TMEM164: variants seen among roughly 807,000 people sequenced by gnomAD.
The protein encoded by TMEM164 is transmembrane protein 164.
A neutral mutation model predicts 18.8 loss-of-function variants in TMEM164; 4 were observed. The observed-to-expected ratio is 0.21, with a 90% CI of 0.10 to 0.49. The LOEUF (loss-of-function observed/expected upper bound fraction) is 0.49. Ranked by LOEUF, TMEM164 falls within the 20% of genes least tolerant of loss-of-function variation. The pLI, the probability that TMEM164 is intolerant of heterozygous loss-of-function variation, is 0.98. For synonymous variants in TMEM164, 86 were observed against 101.7 expected, an observed-to-expected ratio of 0.85 and a Z score of 0.93; for missense variants, 108 against 239.9, an observed-to-expected ratio of 0.45 and a Z score of 3.63.
chrX:110,097,061 T>C (rs1018339701), intron 3 of TMEM164, among the ~76,000 whole-genome samples: 1 of 112,152 alleles, frequency 8.9e-6, no homozygotes, highest in South Asian at 3.7e-4. Context: ...TGGAGAGCAG[T>C]GGCATGATCT....
chrX:110,172,154 C>G (rs1482242691), intron 6 of TMEM164, among the ~76,000 whole-genome samples: 2 of 111,916 alleles, frequency 1.8e-5, no homozygotes, highest in African/African-American at 6.5e-5. Context: ...AGTCCTGGCT[C>G]TGCCACTGCT....
At chrX:110,094,006 T>A (rs2065974387) in intron 3 of TMEM164, among the ~76,000 whole-genome samples, 1 of 111,396 alleles carries the variant, frequency 9.0e-6, no homozygotes, top group Non-Finnish European at 1.9e-5. Context: ...TTTGAGTGAG[T>A]TTCTTAATCC....
chrX:110,094,533 A>C (rs1302744961), intron 3 of TMEM164, among the ~76,000 whole-genome samples: 2 of 111,707 alleles, frequency 1.8e-5, no homozygotes, highest in Non-Finnish European at 3.8e-5. Context: ...TTTGCTTGGT[A>C]GATCTTCCTC....
intron 3 of TMEM164, among the ~76,000 whole-genome samples, chrX:110,105,137 C>G (rs941309771): frequency 1.0e-4 from 10 of 97,631 alleles, no homozygotes; most frequent in African/African-American, 3.9e-4. Flanking sequence ...ACCTCCCTCC[C>G]TCCCTTCCTC....
At chrX:110,038,687 C>G (rs1376043416) in intron 2 of TMEM164, among the ~76,000 whole-genome samples, 1 of 109,546 alleles carries the variant, frequency 9.1e-6, no homozygotes, top group Non-Finnish European at 1.9e-5. Context: ...CCTTACCTCA[C>G]CTTACCCCAC....
In TMEM164 at chrX:110,045,364, A is replaced by G. The variant is rs73540241; in HGVS notation, c.391-21983A>G. On this transcript the variant is annotated intron_variant, in intron 2 of 6. Transcript: ENST00000372068. The stretch of plus-strand genomic sequence containing the variant: ...TAAGTTTTTAGGGTTGGGGTCAGGT[A>G]CTATCCTTTATAAGAAAGATTATGG... Among the ~76,000 whole-genome samples the G allele has an allele frequency of 6.8e-3, 760 of 112,240 alleles. 11 individuals are homozygous for G. Among genetic ancestry groups the G allele is most frequent in the African/African-American group, 0.023 (701 of 30,868 alleles).
At chrX:110,015,550 A>AGCGT (rs1449066445) in intron 2 of TMEM164, among the ~76,000 whole-genome samples, 1 of 99,628 alleles carries the variant, frequency 1.0e-5, no homozygotes, top group Admixed American at 1.1e-4. Flanking sequence ...CAGGAACTTG[A>AGCGT]GTGTGTGTGT....
At chrX:110,128,606 T>C (rs2066568561) in intron 4 of TMEM164, among the ~76,000 whole-genome samples, 2 of 111,850 alleles carry the variant, frequency 1.8e-5, no homozygotes, top group African/African-American at 3.2e-5. Context: ...TCAGCTGTTA[T>C]AACTTCAAAC....
intron 4 of TMEM164, among the ~76,000 whole-genome samples, chrX:110,126,610 G>A (rs2066532487): frequency 9.0e-6 from 1 of 111,577 alleles, no homozygotes; most frequent in Admixed American, 9.5e-5. Context: ...CTTCTGTCCT[G>A]TCTTTTAGCC....
chrX:110,008,119 T>C (rs1932823426), intron 2 of TMEM164, among the ~76,000 whole-genome samples: 1 of 112,297 alleles, frequency 8.9e-6, no homozygotes, highest in Admixed American at 9.4e-5. Flanking sequence ...TTCAACCAAA[T>C]ATGGCTTACC....
At chrX:110,092,519 T>C (rs1471289469) in intron 3 of TMEM164, among the ~76,000 whole-genome samples, 1 of 111,902 alleles carries the variant, frequency 8.9e-6, no homozygotes, top group Non-Finnish European at 1.9e-5. Context: ...TTGTCTGTTA[T>C]TGGTGTATAA....
chrX:110,101,969 AT>A (rs780293154), intron 3 of TMEM164, among the ~76,000 whole-genome samples: 1 of 106,730 alleles, frequency 9.4e-6, no homozygotes, highest in Non-Finnish European at 1.9e-5. Flanking sequence ...TTTTGCTCTT[AT>A]TTTTTTTATT....
In TMEM164 at chrX:110,066,157, C is replaced by T. The variant is rs752161293; in HGVS notation, c.391-1190C>T. Among the ~76,000 whole-genome samples the T allele has an allele frequency of 5.4e-5, 6 of 111,245 alleles. No homozygotes were observed. In the East Asian group the frequency reaches 1.7e-3, roughly 31 times the overall value. On this transcript the variant is annotated intron_variant, in intron 2 of 6. Transcript: ENST00000372068. Reference sequence around the variant, plus strand: ...GCAGGGATTCATGCAGGTGTCTTTCCTTATAGTGATTTTTCTTATAATACC... The same window carrying T: ...GCAGGGATTCATGCAGGTGTCTTTCTTTATAGTGATTTTTCTTATAATACC...
intron 5 of TMEM164, among the ~76,000 whole-genome samples, chrX:110,170,993 CA>C (rs767572992): frequency 5.8e-4 from 65 of 111,927 alleles, no homozygotes; most frequent in South Asian, 1.1e-3. Context: ...CATACTTCCT[CA>C]ATGACATTTC....
intron 2 of TMEM164, among the ~76,000 whole-genome samples, chrX:110,022,491 A>C: frequency 9.0e-6 from 1 of 111,297 alleles, no homozygotes; most frequent in African/African-American, 3.3e-5. Context: ...TGCCTGGCAT[A>C]TAGGTATTTG....
intron 2 of TMEM164, among the ~76,000 whole-genome samples, chrX:110,050,165 G>A (rs1438711228): frequency 2.7e-5 from 3 of 111,514 alleles, no homozygotes; most frequent in African/African-American, 9.8e-5. Flanking sequence ...CTGGGCCGAG[G>A]GAACCAAATG....
chrX:110,003,737 T>C lies in TMEM164; in HGVS notation c.-38T>C, dbSNP rs995058939. On this transcript the variant is annotated 5_prime_UTR_variant, in exon 2 of 7. Coordinates refer to ENST00000372068, the MANE Select transcript of TMEM164 (RefSeq NM_032227.4). ...TCTGGGCTTGTGTTCCATCTCACTC[T>C]TGCTTCCTGTACTGTGGTCAAGGGG... 3.5e-6 allele frequency: 4 copies of C among 1,156,887 alleles called. No individual in the cohort carries two copies. Among genetic ancestry groups the C allele is most frequent in the African/African-American group, 3.6e-5 (2 of 55,269 alleles).
chrX:110,037,333 G>A (rs1418798038), intron 2 of TMEM164, among the ~76,000 whole-genome samples: 1 of 111,568 alleles, frequency 9.0e-6, no homozygotes, highest in African/African-American at 3.3e-5. Flanking sequence ...GATGAGTGTG[G>A]TGTTGCAAGG....
At position 110,164,688 on chromosome X, in the gene TMEM164, G is replaced by C. The variant is rs764668793; in HGVS notation, c.587-6732G>C. Among the ~76,000 whole-genome samples the C allele has an allele frequency of 6.3e-5, 7 of 111,292 alleles. No individual in the cohort carries two copies. The East Asian group carries it at 2.0e-3, about 31-fold the overall frequency. ...AGTGAGCCAGGTACTAAAGGAATGA[G>C]GGCCATGACCCATATGTCTGTAGAT... On this transcript the variant is annotated intron_variant, in intron 5 of 6. Coordinates refer to ENST00000372068, the MANE Select transcript of TMEM164 (RefSeq NM_032227.4).
Sources: gnomAD v4.1 joint callset for allele counts (sites outside exome capture counted in the v4.1 genomes callset) on GRCh38, gnomAD v4.1.1 for gene constraint, MANE v1.5 for transcripts, NCBI Gene and HGNC (gene_info 2026-07-23, HGNC 2026-07-21) for gene names.